Variants in LRMDA observed in about 807,000 individuals in gnomAD.
The protein encoded by LRMDA is leucine rich melanocyte differentiation associated.
LRMDA carries 18 observed loss-of-function variants against 29.8 expected under a neutral mutation model. The observed-to-expected ratio is 0.60, with a 90% CI of 0.42 to 0.90. The LOEUF (loss-of-function observed/expected upper bound fraction) is 0.90, where lower values mean the gene tolerates loss of function less well. LRMDA is among the 40% of genes least tolerant of loss of function. The pLI is 0.00. For synonymous variants in LRMDA, 125 were observed against 109.4 expected (o/e 1.14, Z -0.89); for missense variants, 273 against 273.9 (o/e 1.00, Z 0.02).
intron 6 of LRMDA, among the ~76,000 whole-genome samples, chr10:76,390,751 C>T (rs1841714096): frequency 6.6e-6 from 1 of 152,126 alleles, no homozygotes; most frequent in Non-Finnish European, 1.5e-5. Flanking sequence ...TTGGACTCTG[C>T]TCCAGCTCAG....
chr10:76,059,991 G>C (rs1420257481), intron 5 of LRMDA, among the ~76,000 whole-genome samples: 1 of 152,140 alleles, frequency 6.6e-6, no homozygotes, highest in Non-Finnish European at 1.5e-5. Context: ...TCCCTATCGA[G>C]GCACAGGTTT....
At chr10:76,473,476 TC>T (rs1842638200) in intron 6 of LRMDA, among the ~76,000 whole-genome samples, 1 of 151,468 alleles carries the variant, frequency 6.6e-6, no homozygotes, top group Admixed American at 6.6e-5. Flanking sequence ...ATCCACTATC[TC>T]CACTTTTATT....
chr10:75,507,309 C>G (rs1017748188), intron 2 of LRMDA, among the ~76,000 whole-genome samples: 2 of 152,134 alleles, frequency 1.3e-5, no homozygotes, highest in Non-Finnish European at 2.9e-5. Flanking sequence ...ACAGGGGTAC[C>G]CCAGCAAGGG....
intron 2 of LRMDA, among the ~76,000 whole-genome samples, chr10:75,477,603 C>T (rs1473386415): frequency 6.6e-6 from 1 of 152,216 alleles, no homozygotes; most frequent in Non-Finnish European, 1.5e-5. Flanking sequence ...GCCCCCATGA[C>T]AGCCAAGTCC....
intron 5 of LRMDA, among the ~76,000 whole-genome samples, chr10:76,147,736 G>A (rs573999282): frequency 1.0e-3 from 157 of 152,298 alleles, no homozygotes; most frequent in African/African-American, 3.7e-3. Flanking sequence ...GAGGAGCTGC[G>A]TTCCTTCGGA....
chr10:76,140,799 T>C lies in LRMDA; in HGVS notation c.516+82016T>C, dbSNP rs114651868. 7.9e-3 allele frequency among the ~76,000 whole-genome samples: 1,197 copies of C among 152,148 alleles called. 16 individuals are homozygous for C. The highest frequency in any genetic ancestry group is 0.027 in the African/African-American group (1,129 of 41,508). The stretch of plus-strand genomic sequence containing the variant: ...TTTCATTAGCCAGAAAAGATTAAAC[T>C]CATATTGCAGGAAGGAAGACTAAGG... On this transcript the variant is annotated intron_variant, in intron 5 of 6. Transcript: ENST00000611255.
At chr10:76,078,374 A>G (rs1848995404) in intron 5 of LRMDA, among the ~76,000 whole-genome samples, 1 of 152,066 alleles carries the variant, frequency 6.6e-6, no homozygotes, top group African/African-American at 2.4e-5. Context: ...GACGTTCCAT[A>G]ATGGAAGGGC....
At chr10:76,044,160 A>G (rs1243139306) in intron 3 of LRMDA, among the ~76,000 whole-genome samples, 1 of 152,212 alleles carries the variant, frequency 6.6e-6, no homozygotes, top group Non-Finnish European at 1.5e-5. Flanking sequence ...CCTGATCCAG[A>G]CATGAGTTCT....
At chr10:75,735,048 G>A (rs1400533746) in intron 2 of LRMDA, among the ~76,000 whole-genome samples, 5 of 152,112 alleles carry the variant, frequency 3.3e-5, no homozygotes, top group Admixed American at 6.5e-5. Context: ...GCTACCTCAC[G>A]CTGAAATATA....
chr10:76,217,029 C>T (rs1025266218), intron 5 of LRMDA, among the ~76,000 whole-genome samples: 4 of 152,128 alleles, frequency 2.6e-5, no homozygotes, highest in Middle Eastern at 3.4e-3. Context: ...AGATAATAGA[C>T]ATATCCATAC....
chr10:75,709,558 G>A (rs1184480831), intron 2 of LRMDA, among the ~76,000 whole-genome samples: 8 of 152,072 alleles, frequency 5.3e-5, no homozygotes, highest in African/African-American at 7.2e-5. Context: ...TAAGCCATTG[G>A]CAGGTGAGAT....
intron 2 of LRMDA, among the ~76,000 whole-genome samples, chr10:75,696,713 A>G (rs1203017985): frequency 6.6e-6 from 1 of 152,218 alleles, no homozygotes; most frequent in East Asian, 1.9e-4. Flanking sequence ...TCTCAAGTTC[A>G]TAGCATTGGA....
At chr10:75,463,037 G>C (rs933679105) in intron 2 of LRMDA, among the ~76,000 whole-genome samples, 2 of 152,180 alleles carry the variant, frequency 1.3e-5, no homozygotes, top group African/African-American at 2.4e-5. Context: ...GACACCTGAG[G>C]CTCCGTTGTT....
At chr10:75,514,855 T>C (rs1845271886) in intron 2 of LRMDA, among the ~76,000 whole-genome samples, 1 of 152,012 alleles carries the variant, frequency 6.6e-6, no homozygotes, top group African/African-American at 2.4e-5. Context: ...TGAGTGTTCC[T>C]TTATAACAAT....
chr10:75,938,569 T>G (rs1227576584), intron 2 of LRMDA, among the ~76,000 whole-genome samples: 1 of 152,186 alleles, frequency 6.6e-6, no homozygotes, highest in Non-Finnish European at 1.5e-5. Context: ...ACTCCCTGCC[T>G]TCCCCCTACC....
intron 2 of LRMDA, among the ~76,000 whole-genome samples, chr10:76,014,917 C>G (rs867114757): frequency 3.3e-5 from 5 of 152,200 alleles, no homozygotes; most frequent in African/African-American, 1.2e-4. Context: ...TATCCACTCC[C>G]TCTAGGAAAG....
chr10:76,403,046 T>A (rs1841865798), intron 6 of LRMDA, among the ~76,000 whole-genome samples: 1 of 151,780 alleles, frequency 6.6e-6, no homozygotes. Flanking sequence ...CCAGAAGTGT[T>A]TTATTTGTTC....
At chr10:76,045,248 TTAGTTTCCCTCTCTTGC>T (rs1408859579) in intron 3 of LRMDA, among the ~76,000 whole-genome samples, 1 of 146,934 alleles carries the variant, frequency 6.8e-6, no homozygotes, top group Non-Finnish European at 1.5e-5. Context: ...CCCCCTCTGG[TTAGTTTCCCTCTCTTGC>T]TAGTTTCCCC....
At chr10:76,513,513 T>G (rs1843028763) in intron 6 of LRMDA, among the ~76,000 whole-genome samples, 1 of 152,186 alleles carries the variant, frequency 6.6e-6, no homozygotes, top group African/African-American at 2.4e-5. Flanking sequence ...GAGTACCAAC[T>G]CATTATCATC....
Sources: allele counts gnomAD v4.1 joint callset (sites outside exome capture counted in the v4.1 genomes callset), GRCh38; gene constraint gnomAD v4.1.1; transcripts MANE v1.5; gene names NCBI Gene and HGNC (gene_info 2026-07-23, HGNC 2026-07-21).